Variants in ERCC6L2 observed in about 807,000 individuals in gnomAD.
ERCC6L2 encodes DNA excision repair protein ERCC-6-like 2.
In ERCC6L2, 77 loss-of-function variants were observed where a neutral mutation model predicts 132.0. That is an observed-to-expected ratio of 0.58 (90% CI 0.49 to 0.71). ERCC6L2 has a LOEUF of 0.71. ERCC6L2 is among the 30% of genes least tolerant of loss of function. The pLI is 0.00. For missense variants in ERCC6L2, 1,542 were observed against 1,837.6 expected, an observed-to-expected ratio of 0.84 and a Z score of 2.94; for synonymous variants, 583 against 632.4, an observed-to-expected ratio of 0.92 and a Z score of 1.17.
chr9:96,040,059 A>AC (rs1005241605), intron 20 of ERCC6L2, among the ~76,000 whole-genome samples: 1 of 151,392 alleles, frequency 6.6e-6, no homozygotes, highest in African/African-American at 2.4e-5. Context: ...CTCTAATTAA[A>AC]AAAAAAAAGA....
Position 95,972,194 on chromosome 9 carries a change from T to G in ERCC6L2, c.2443T>G (p.Ser815Ala), listed in dbSNP as rs1832446148. 5 of 1,304,116 alleles carry G rather than the reference T, an allele frequency of 3.8e-6. No individual in the cohort carries two copies. The highest frequency in any genetic ancestry group is 5.1e-6 in the Non-Finnish European group (5 of 988,948). 80.8% of individuals were successfully genotyped at this position (1,304,116 alleles called of 1,614,324 possible). A position where few individuals can be genotyped will look rare whatever the true frequency, so the allele number is the denominator to read the frequency against. Reference sequence around the variant, plus strand: ...TGAGGATAGTGATGGAAATACTGCCTCTGATGATGAAAGTTCTGATGAGCA... The same window carrying G: ...TGAGGATAGTGATGGAAATACTGCCGCTGATGATGAAAGTTCTGATGAGCA... The part of the protein sequence containing the change: ...AVEDSDGNTA[S>A]DDESSDEQPT... Residue 815 changes from serine to alanine, a missense_variant, in exon 16 of 19, where the codon TCT becomes GCT. Transcript: ENST00000653738.
rs1290799475 is a variant in ERCC6L2, at chr9:96,018,268, AAAGT to A, written c.*5069_*5072del. Among the ~76,000 whole-genome samples the A allele has an allele frequency of 2.0e-5, 3 of 152,218 alleles. No homozygotes were observed. The highest frequency in any genetic ancestry group is 4.4e-5 in the Non-Finnish European group (3 of 68,040). On this transcript the variant is annotated 3_prime_UTR_variant, in exon 19 of 19. Transcript: ENST00000653738. ...GTTTTACAATTTTAAAAATGGAAAA[AAAGT>A]AAGACCAAAAGCAACACCTCTCCAG...
chr9:96,022,992 A>T (rs1049358263), downstream of ERCC6L2, among the ~76,000 whole-genome samples: 1 of 151,998 alleles, frequency 6.6e-6, no homozygotes, highest in African/African-American at 2.4e-5. Context: ...CACTTCCTTT[A>T]CATGTGAATG....
chr9:95,925,597 C>T (rs781671540), intron 9 of ERCC6L2, among the ~76,000 whole-genome samples: 4 of 152,116 alleles, frequency 2.6e-5, no homozygotes, highest in African/African-American at 9.7e-5. Context: ...AATTTATAGT[C>T]GTTCATTTAG....
chr9:95,926,568 T>TATAAA (rs1830110630), intron 9 of ERCC6L2, among the ~76,000 whole-genome samples: 1 of 152,210 alleles, frequency 6.6e-6, no homozygotes, highest in Middle Eastern at 3.4e-3. Flanking sequence ...TATAATACTA[T>TATAAA]CAAAAGGCAA....
At chr9:95,928,686 T>A in intron 10 of ERCC6L2, 33 bp from the exon 11 acceptor site, 1 of 1,566,368 alleles carries the variant, frequency 6.4e-7, no homozygotes. Context: ...TAACCAAGAT[T>A]CATGTTTGCC....
At chr9:95,974,065 A>G (rs1350836422) in intron 16 of ERCC6L2, among the ~76,000 whole-genome samples, 1 of 152,228 alleles carries the variant, frequency 6.6e-6, no homozygotes, top group Non-Finnish European at 1.5e-5. Context: ...TAACAAGACT[A>G]TAGTAGGCAC....
rs766070331 is a variant in ERCC6L2, at chr9:95,897,947, A to G, written c.570A>G (p.Glu190=). The G allele has an allele frequency of 1.2e-6, 2 of 1,611,676 alleles. No homozygotes were observed. Among genetic ancestry groups the G allele is most frequent in the Admixed American group, 1.7e-5 (1 of 59,634 alleles). The change falls in exon 3 of 19, where the codon GAA becomes GAG. Residue 190 remains glutamate (E), a synonymous_variant. Transcript: ENST00000653738. ...PEFLLRSMKK[E]PLSSTAKKMF... ...TTTTACTAAGAAGTATGAAAAAGGAACCCCTTTCTTCTACAGCAAAAAAGG... is the reference window on the plus strand; with the variant it reads ...TTTTACTAAGAAGTATGAAAAAGGAGCCCCTTTCTTCTACAGCAAAAAAGG...
intron 18 of ERCC6L2, among the ~76,000 whole-genome samples, chr9:96,011,413 C>T (rs1258182427): frequency 2.0e-5 from 3 of 152,154 alleles, no homozygotes; most frequent in African/African-American, 4.8e-5. Flanking sequence ...AATACTGTTA[C>T]GTCCTGGGTT....
At chr9:95,903,302 A>G (rs1315316259) in intron 3 of ERCC6L2, among the ~76,000 whole-genome samples, 1 of 151,978 alleles carries the variant, frequency 6.6e-6, no homozygotes, top group East Asian at 1.9e-4. Flanking sequence ...TTCTGTCCTA[A>G]TTATTTGTTC....
In ERCC6L2 at chr9:95,881,249, G is replaced by T. The variant is rs1436466769; in HGVS notation, c.427G>T (p.Gly143Trp). The change falls in exon 2 of 19, where the codon GGG becomes TGG. Residue 143 changes from glycine to tryptophan, a missense_variant. Transcript: ENST00000653738. ...FLYGHYIHGG[G>W]CILGDDMGLG... is the part of the protein sequence containing the mutation. ...TTATGGACACTACATCCATGGAGGA[G>T]GGTGCATTCTGGGTGATGACATGGG... 1 of 1,583,516 alleles carries T rather than the reference G, an allele frequency of 6.3e-7. No individual in the cohort carries two copies. Among genetic ancestry groups the T allele is most frequent in the Non-Finnish European group, 8.5e-7 (1 of 1,171,698 alleles).
At chr9:95,929,822 T>TA (rs1310810446) in intron 11 of ERCC6L2, among the ~76,000 whole-genome samples, 1 of 152,146 alleles carries the variant, frequency 6.6e-6, no homozygotes, top group Non-Finnish European at 1.5e-5. Context: ...CATTCTAACT[T>TA]TAAAGTGTTT....
At chr9:95,930,658 G>T (rs1830294097) in intron 11 of ERCC6L2, among the ~76,000 whole-genome samples, 2 of 151,900 alleles carry the variant, frequency 1.3e-5, no homozygotes, top group South Asian at 4.2e-4. Flanking sequence ...AACTACTTTT[G>T]TAACTTTCAA....
intron 17 of ERCC6L2, among the ~76,000 whole-genome samples, chr9:95,983,761 G>A (rs1253315589): frequency 1.3e-5 from 2 of 152,278 alleles, no homozygotes; most frequent in Admixed American, 6.5e-5. Context: ...GAATTTGAAG[G>A]ATTCTTGAAG....
In ERCC6L2 at chr9:95,978,179, T is replaced by C. The variant is rs765524738; in HGVS notation, c.3456T>C (p.Ser1152=). Reference sequence around the variant, plus strand: ...ACGTATTTGAGTTGAAGCAGTTTTCTCAGCTGCCTGCTAACATAGCTGTTT... The same window carrying C: ...ACGTATTTGAGTTGAAGCAGTTTTCCCAGCTGCCTGCTAACATAGCTGTTT... ...AHDVFELKQF[S]QLPANIAVCS... Residue 1152 remains serine, a synonymous_variant, in exon 17 of 19, where the codon TCT becomes TCC. Transcript: ENST00000653738. 3 of 1,366,856 alleles carry C rather than the reference T, an allele frequency of 2.2e-6. No homozygotes were observed. The highest frequency in any genetic ancestry group is 2.0e-6 in the Non-Finnish European group (2 of 1,021,550). The allele number at this position is 1,366,856 out of a possible 1,614,324, so 84.7% of individuals were successfully genotyped here.
At chr9:95,933,903 A>G (rs1279098017) in intron 11 of ERCC6L2, among the ~76,000 whole-genome samples, 3 of 151,830 alleles carry the variant, frequency 2.0e-5, no homozygotes, top group Non-Finnish European at 2.9e-5. Context: ...ATATGAAAAT[A>G]CCTTGCATAG....
intron 9 of ERCC6L2, 88 bp from the exon 10 acceptor site, chr9:95,927,991 T>C: frequency 1.1e-6 from 1 of 871,160 alleles, no homozygotes; most frequent in Non-Finnish European, 1.9e-6. Context: ...TGAAAATAAT[T>C]TTAAAGAAAT....
rs1461389569 is a variant in ERCC6L2, at chr9:95,881,098, T to C, written c.276T>C (p.Pro92=). The change falls in exon 2 of 19, where the codon CCT becomes CCC. Residue 92 remains proline, a synonymous_variant. Transcript: ENST00000653738. Reference sequence around the variant, plus strand: ...TTGATGATGAAGATTTAGAAAAACCTTATTTCCCAAACCGAAAATTTCCAT... The same window carrying C: ...TTGATGATGAAGATTTAGAAAAACCCTATTTCCCAAACCGAAAATTTCCAT... ...LIFDDEDLEK[P]YFPNRKFPSS... is the part of the protein sequence containing the mutation. The C allele has an allele frequency of 1.2e-6, 2 of 1,613,146 alleles. No individual in the cohort carries two copies. The highest frequency in any genetic ancestry group is 3.3e-5 in the Admixed American group (2 of 59,766).
At chr9:95,951,322 G>A (rs1831323213) in intron 12 of ERCC6L2, among the ~76,000 whole-genome samples, 1 of 152,082 alleles carries the variant, frequency 6.6e-6, no homozygotes, top group African/African-American at 2.4e-5. Context: ...TGCTAAGAGG[G>A]AAATTTATAG....
Sources: allele counts gnomAD v4.1 joint callset (sites outside exome capture counted in the v4.1 genomes callset), GRCh38; gene constraint gnomAD v4.1.1; transcripts MANE v1.5; gene names NCBI Gene and HGNC (gene_info 2026-07-23, HGNC 2026-07-21).